The following TP63 variants were observed in gnomAD, a reference collection of about 807,000 sequenced individuals.
TP63 encodes the protein tumor protein 63.
Under a neutral mutation model 82.8 loss-of-function variants are expected in TP63, and 17 were observed. The observed-to-expected ratio is 0.21, with a 90% CI of 0.14 to 0.31. The LOEUF is 0.31. TP63 is among the 10% of genes least tolerant of loss of function. The pLI is 1.00. For synonymous variants in TP63, 330 were observed against 321.7 expected, an observed-to-expected ratio of 1.03 and a Z score of -0.28; for missense variants, 648 against 895.3, an observed-to-expected ratio of 0.72 and a Z score of 3.52.
chr3:189,673,495 G>C (rs1299054182), intron 1 of TP63, among the ~76,000 whole-genome samples: 1 of 151,702 alleles, frequency 6.6e-6, no homozygotes, highest in South Asian at 2.1e-4. Flanking sequence ...AAATCTATCA[G>C]ATAAGATAAC....
At chr3:189,857,124 T>G (rs1299822035) in intron 4 of TP63, among the ~76,000 whole-genome samples, 1 of 152,122 alleles carries the variant, frequency 6.6e-6, no homozygotes, top group Non-Finnish European at 1.5e-5. Context: ...TTTCAAGACT[T>G]ACTATAAAGT....
Position 189,799,993 on chromosome 3 carries a change from T to C in TP63, c.325-8279T>C, listed in dbSNP as rs147462289. On this transcript the variant is annotated intron_variant, in intron 3 of 13. Coordinates refer to ENST00000264731, the MANE Select transcript of TP63 (RefSeq NM_003722.5). Reference sequence around the variant, plus strand: ...CCAGATATATTCTCTCATTAACTTATTGCCTAGCAGAGAAGACCAACATTT... The same window carrying C: ...CCAGATATATTCTCTCATTAACTTACTGCCTAGCAGAGAAGACCAACATTT... Among the ~76,000 whole-genome samples, 955 of 152,282 alleles carry C rather than the reference T, an allele frequency of 6.3e-3. 8 individuals carry two copies. Among genetic ancestry groups the C allele is most frequent in the African/African-American group, 0.022 (914 of 41,578 alleles).
rs138907389 is a variant in TP63 at position 189,742,719 on chromosome 3, T to G, written c.324+3945T>G. Among the ~76,000 whole-genome samples, 430 of 152,352 alleles carry G rather than the reference T, an allele frequency of 2.8e-3. 1 individual carries two copies. The highest frequency in any genetic ancestry group is 4.9e-3 in the Non-Finnish European group (334 of 68,026). ...CCATAACAATTTTGCACCTATGATC[T>G]TTGTGACACAGACCATGATATCCTT... On this transcript the variant is annotated intron_variant, in intron 3 of 13. Coordinates refer to ENST00000264731, the MANE Select transcript of TP63 (RefSeq NM_003722.5).
chr3:189,737,240 G>A (rs573535028), intron 1 of TP63, among the ~76,000 whole-genome samples: 6 of 152,082 alleles, frequency 3.9e-5, no homozygotes, highest in African/African-American at 7.2e-5. Context: ...CTAAGATTGC[G>A]GTTATGGGAG....
chr3:189,744,439 T>G (rs1264458224), intron 3 of TP63, among the ~76,000 whole-genome samples: 2 of 151,998 alleles, frequency 1.3e-5, no homozygotes, highest in Admixed American at 1.3e-4. Context: ...TAAGGACAGG[T>G]TCGCCCAACT....
chr3:189,729,698 A>T lies in TP63; in HGVS notation c.63-8042A>T, dbSNP rs540712795. On this transcript the variant is annotated intron_variant, in intron 1 of 13. Transcript: ENST00000264731. ...GATGAGTAGAGAGATAAGGAACTTC[A>T]TATTTTTCCATTTGAGGTTGAAAAG... is the stretch of plus-strand genomic sequence containing the variant. Among the ~76,000 whole-genome samples the T allele has an allele frequency of 3.9e-5, 6 of 152,252 alleles. No homozygotes were observed. In the South Asian group the frequency reaches 1.0e-3, roughly 26 times the overall value.
At chr3:189,767,762 G>A (rs1203170115) in intron 3 of TP63, among the ~76,000 whole-genome samples, 4 of 152,078 alleles carry the variant, frequency 2.6e-5, no homozygotes, top group African/African-American at 9.7e-5. Context: ...TTAATTACAG[G>A]AGAAAAGAAT....
intron 3 of TP63, among the ~76,000 whole-genome samples, chr3:189,782,235 T>G (rs1267467247): frequency 2.0e-5 from 3 of 152,316 alleles, no homozygotes; most frequent in African/African-American, 7.2e-5. Flanking sequence ...TGATGTGTTA[T>G]GCAGTGAACT....
At chr3:189,847,847 A>G (rs1715088605) in intron 4 of TP63, among the ~76,000 whole-genome samples, 1 of 152,272 alleles carries the variant, frequency 6.6e-6, no homozygotes, top group African/African-American at 2.4e-5. Flanking sequence ...TTAACTAAAA[A>G]TAAGTATATA....
chr3:189,646,051 T>C (rs1372148622), intron 1 of TP63, among the ~76,000 whole-genome samples: 2 of 147,406 alleles, frequency 1.4e-5, no homozygotes, highest in African/African-American at 2.5e-5. Flanking sequence ...TGTGAACACA[T>C]TCAATTTGAG....
At chr3:189,789,325 A>G (rs906161698) in intron 3 of TP63, among the ~76,000 whole-genome samples, 5 of 152,056 alleles carry the variant, frequency 3.3e-5, no homozygotes, top group African/African-American at 1.2e-4. Context: ...CAAAGAGTAA[A>G]ATAACTTTCT....
the TP63 span, among the ~76,000 whole-genome samples, chr3:189,625,318 T>C: frequency 1.3e-5 from 2 of 152,178 alleles, no homozygotes; most frequent in Non-Finnish European, 2.9e-5. Context: ...GGCATCACTT[T>C]TGTGATATTT....
rs887261224 is a variant in TP63 at position 189,631,390 on chromosome 3, T to A, written c.-126T>A. On this transcript the variant is annotated 5_prime_UTR_variant, in exon 1 of 14. Coordinates refer to ENST00000264731, the MANE Select transcript of TP63 (RefSeq NM_003722.5). ...TGAAGGAGAGAAGTGCCTAAACTTC[T>A]ATGTCTGATAGCATTTGACCCTATT... 1 of 1,556,216 alleles carries A rather than the reference T, an allele frequency of 6.4e-7. No homozygotes were observed. Among genetic ancestry groups the A allele is most frequent in the Non-Finnish European group, 8.7e-7 (1 of 1,152,474 alleles).
At chr3:189,789,462 G>GT (rs371864755) in intron 3 of TP63, among the ~76,000 whole-genome samples, 100 of 147,256 alleles carry the variant, frequency 6.8e-4, no homozygotes, top group East Asian at 6.6e-3. Context: ...TCCTGGGTTT[G>GT]TTTTTTTTTT....
intron 1 of TP63, among the ~76,000 whole-genome samples, chr3:189,723,674 T>C (rs115355126): frequency 0.018 from 2,722 of 152,286 alleles, 33 homozygotes; most frequent in Middle Eastern, 0.041. Context: ...ATCTGTACCA[T>C]AGACAAAATG....
chr3:189,694,277 A>G (rs1717170915), intron 1 of TP63, among the ~76,000 whole-genome samples: 1 of 152,232 alleles, frequency 6.6e-6, no homozygotes, highest in Admixed American at 6.5e-5. Flanking sequence ...CTAACATCAT[A>G]CATTATTATG....
At chr3:189,661,999 T>A (rs970497101) in intron 1 of TP63, among the ~76,000 whole-genome samples, 1 of 152,098 alleles carries the variant, frequency 6.6e-6, no homozygotes, top group Non-Finnish European at 1.5e-5. Flanking sequence ...ATATTGTTTA[T>A]CCTTTCAAAA....
At position 189,694,790 on chromosome 3, in the gene TP63, C is replaced by CTTTTTTTTTTTTTTTTTTTTTTTTTT. The variant is rs71175304; in HGVS notation, c.63-42942_63-42917dup. Among the ~76,000 whole-genome samples the CTTTTTTTTTTTTTTTTTTTTTTTTTT allele has an allele frequency of 2.4e-4, 8 of 32,756 alleles. 3 individuals are homozygous for CTTTTTTTTTTTTTTTTTTTTTTTTTT. The highest frequency in any genetic ancestry group is 7.1e-4 in the Admixed American group (1 of 1,408). The allele number at this position is 32,756 out of a possible 152,430, so 21.5% of individuals were successfully genotyped here. A position where few individuals can be genotyped will look rare whatever the true frequency, so the allele number is the denominator to read the frequency against. On this transcript the variant is annotated intron_variant, in intron 1 of 13. Transcript: ENST00000264731. ...TTGAAAGGAGGCCAGTATTTACAGC[C>CTTTTTTTTTTTTTTTTTTTTTTTTTT]TTTTTTTTTTTTTTTTTTTTTTTTT...
At chr3:189,638,233 C>T (rs982941386) in intron 1 of TP63, among the ~76,000 whole-genome samples, 1 of 152,132 alleles carries the variant, frequency 6.6e-6, no homozygotes, top group Admixed American at 6.6e-5. Context: ...GATATGGACA[C>T]TAGAAAACTG....
Sources: allele counts gnomAD v4.1 joint callset (sites outside exome capture counted in the v4.1 genomes callset), GRCh38; gene constraint gnomAD v4.1.1; transcripts MANE v1.5; gene names NCBI Gene and HGNC (gene_info 2026-07-23, HGNC 2026-07-21).